The following GAREM1 variants were observed in gnomAD, a reference collection of about 807,000 sequenced individuals.
GAREM1 encodes GRB2 associated regulator of MAPK1 subtype 1, also known as GRB2-associated and regulator of MAPK protein 1.
Under a neutral mutation model 71.3 loss-of-function variants are expected in GAREM1, and 26 were observed. That is an observed-to-expected ratio of 0.36 (90% CI 0.27 to 0.51). The LOEUF (loss-of-function observed/expected upper bound fraction) is 0.51, where lower values mean the gene tolerates loss of function less well. Among genes scored for constraint, GAREM1 ranks in the 20% least tolerant of loss-of-function variants. The probability of loss-of-function intolerance (pLI) is 0.95; values close to 1 mark genes in which losing one functional copy is unlikely to be tolerated. For synonymous variants in GAREM1, 440 were observed against 433.2 expected, an observed-to-expected ratio of 1.02 and a Z score of -0.20; for missense variants, 1,026 against 1,103.1, an observed-to-expected ratio of 0.93 and a Z score of 0.99.
intron 2 of GAREM1, among the ~76,000 whole-genome samples, chr18:32,317,706 T>TA (rs2047393568): frequency 6.6e-6 from 1 of 151,728 alleles, no homozygotes; most frequent in African/African-American, 2.4e-5. Context: ...TTTTTTTTTT[T>TA]TTTTTAAAGA....
intron 2 of GAREM1, among the ~76,000 whole-genome samples, chr18:32,391,919 G>T (rs1464340117): frequency 6.6e-6 from 1 of 152,054 alleles, no homozygotes; most frequent in African/African-American, 2.4e-5. Context: ...AATCAAAAAT[G>T]GTACCAAACT....
At chr18:32,462,517 A>T (rs893716388) in intron 1 of GAREM1, among the ~76,000 whole-genome samples, 1 of 152,220 alleles carries the variant, frequency 6.6e-6, no homozygotes, top group African/African-American at 2.4e-5. Flanking sequence ...TTAACACCTT[A>T]TCAGATACAT....
At chr18:32,290,805 T>C (rs1304318120) in intron 3 of GAREM1, among the ~76,000 whole-genome samples, 1 of 152,160 alleles carries the variant, frequency 6.6e-6, no homozygotes, top group African/African-American at 2.4e-5. Flanking sequence ...ACCTAACATA[T>C]TGATTAAAAA....
At chr18:32,468,960 T>TCCCCCCCC (rs34977174) in intron 1 of GAREM1, among the ~76,000 whole-genome samples, 466 of 82,120 alleles carry the variant, frequency 5.7e-3, no homozygotes, top group African/African-American at 6.7e-3. Flanking sequence ...CACCTGTGCG[T>TCCCCCCCC]CCCCCCCCCC....
intron 2 of GAREM1, among the ~76,000 whole-genome samples, chr18:32,391,096 C>T (rs182128413): frequency 4.1e-4 from 63 of 152,186 alleles, no homozygotes; most frequent in Admixed American, 2.7e-3. Context: ...AGACTGAGGA[C>T]GTGTGCTAAA....
chr18:32,407,116 T>C (rs539287696), intron 1 of GAREM1, among the ~76,000 whole-genome samples: 38 of 152,334 alleles, frequency 2.5e-4, no homozygotes, highest in African/African-American at 8.7e-4. Flanking sequence ...TCTACTCTCA[T>C]TCACTTCAAC....
chr18:32,391,613 T>C (rs1359322333), intron 2 of GAREM1, among the ~76,000 whole-genome samples: 1 of 152,152 alleles, frequency 6.6e-6, no homozygotes. Context: ...AGCATGTATC[T>C]CACTACTAGT....
chr18:32,435,583 TA>T (rs1484310641), intron 1 of GAREM1, among the ~76,000 whole-genome samples: 1 of 152,146 alleles, frequency 6.6e-6, no homozygotes, highest in Non-Finnish European at 1.5e-5. Flanking sequence ...AAGGTTTTTT[TA>T]AATAATGGGA....
chr18:32,346,523 G>A (rs561548982), intron 2 of GAREM1, among the ~76,000 whole-genome samples: 1 of 152,254 alleles, frequency 6.6e-6, no homozygotes, highest in East Asian at 1.9e-4. Context: ...CCAAGCATGG[G>A]TTCGATGATT....
At chr18:32,451,587 C>T (rs1484655440) in intron 1 of GAREM1, among the ~76,000 whole-genome samples, 3 of 152,198 alleles carry the variant, frequency 2.0e-5, no homozygotes, top group Non-Finnish European at 2.9e-5. Flanking sequence ...TTCCCACTCA[C>T]CCTGCTCCAC....
chr18:32,281,404 T>C (rs980774976), intron 4 of GAREM1, among the ~76,000 whole-genome samples: 1 of 152,220 alleles, frequency 6.6e-6, no homozygotes, highest in Middle Eastern at 3.2e-3. Flanking sequence ...AACAACACAG[T>C]GTGCTTCATT....
In GAREM1 at chr18:32,470,145, G is replaced by T. The variant is rs1334864964; in HGVS notation, c.121+163C>A. The T allele has an allele frequency of 2.5e-6, 2 of 793,514 alleles. No individual in the cohort carries two copies. Among genetic ancestry groups the T allele is most frequent in the Non-Finnish European group, 3.5e-6 (2 of 575,976 alleles). The allele number at this position is 793,514 out of a possible 1,614,324, so 49.2% of individuals were successfully genotyped here. ...TCCTTGTCTGCTGCTGGGGGGAGTTGAGAGCAACGCGCCAGGGCTGCGGCA... is the reference window on the plus strand; with the variant it reads ...TCCTTGTCTGCTGCTGGGGGGAGTTTAGAGCAACGCGCCAGGGCTGCGGCA... On this transcript the variant is annotated intron_variant, in intron 1 of 5. Transcript: ENST00000269209. The surrounding 1 kb of genome is among the most constrained non-coding windows in gnomAD (Gnocchi z 4.4).
chr18:32,271,747 G>C (rs926459925), intron 4 of GAREM1, among the ~76,000 whole-genome samples: 4 of 152,134 alleles, frequency 2.6e-5, no homozygotes, highest in Non-Finnish European at 5.9e-5. Flanking sequence ...ACACTGGAGA[G>C]GATCTAGCTG....
At chr18:32,298,942 T>C (rs2144495626) in intron 3 of GAREM1, among the ~76,000 whole-genome samples, 2 of 152,012 alleles carry the variant, frequency 1.3e-5, no homozygotes, top group African/African-American at 4.8e-5. Context: ...ATGGTGTTTA[T>C]ATATATATAT....
intron 2 of GAREM1, among the ~76,000 whole-genome samples, chr18:32,330,634 C>T (rs1316927471): frequency 1.3e-5 from 2 of 151,454 alleles, no homozygotes; most frequent in Non-Finnish European, 2.9e-5. Context: ...TGTATACAAA[C>T]CACTGCACTT....
At chr18:32,464,400 T>C (rs938893298) in intron 1 of GAREM1, among the ~76,000 whole-genome samples, 3 of 152,178 alleles carry the variant, frequency 2.0e-5, no homozygotes, top group Non-Finnish European at 4.4e-5. Flanking sequence ...GCCTACATAG[T>C]CTCAGGTACC....
intron 1 of GAREM1, among the ~76,000 whole-genome samples, chr18:32,401,503 G>A (rs1348770426): frequency 1.3e-5 from 2 of 152,070 alleles, no homozygotes; most frequent in Non-Finnish European, 2.9e-5. Context: ...AGGAGATCAA[G>A]AAAAATGTGA....
intron 2 of GAREM1, among the ~76,000 whole-genome samples, chr18:32,335,951 A>T (rs2047587849): frequency 6.6e-6 from 1 of 152,190 alleles, no homozygotes; most frequent in African/African-American, 2.4e-5. Context: ...AACGGAGTGC[A>T]CTGTAAGCAG....
chr18:32,338,598 C>T (rs759046537), intron 2 of GAREM1, among the ~76,000 whole-genome samples: 1 of 152,196 alleles, frequency 6.6e-6, no homozygotes, highest in Non-Finnish European at 1.5e-5. Flanking sequence ...AGCTCCTTAA[C>T]AAGCAATGGC....
Sources: allele counts gnomAD v4.1 joint callset (sites outside exome capture counted in the v4.1 genomes callset), GRCh38; gene constraint gnomAD v4.1.1; non-coding constraint Gnocchi (gnomAD v3.1); transcripts MANE v1.5; gene names NCBI Gene and HGNC (gene_info 2026-07-23, HGNC 2026-07-21).